Variants in DENND2B observed in about 807,000 individuals in gnomAD.
The protein encoded by DENND2B is DENN domain containing 2B, also known as DENN domain-containing protein 2B.
A neutral mutation model predicts 116.0 loss-of-function variants in DENND2B; 32 were observed. The observed-to-expected ratio is 0.28, with a 90% CI of 0.21 to 0.37. The LOEUF (loss-of-function observed/expected upper bound fraction) is 0.37, where lower values mean the gene tolerates loss of function less well. DENND2B is among the 10% of genes least tolerant of loss of function. The pLI is 1.00. For missense variants in DENND2B, 1,276 were observed against 1,477.7 expected, an observed-to-expected ratio of 0.86 and a Z score of 2.24; for synonymous variants, 588 against 583.9, an observed-to-expected ratio of 1.01 and a Z score of -0.10.
chr11:8,826,282 G>C (rs757110362), intron 4 of DENND2B, among the ~76,000 whole-genome samples: 3 of 152,082 alleles, frequency 2.0e-5, no homozygotes, highest in Non-Finnish European at 4.4e-5. Flanking sequence ...GAGCAGCTCA[G>C]GAATCCAAAC....
At chr11:8,850,329 T>C (rs2062962110) in intron 3 of DENND2B, among the ~76,000 whole-genome samples, 1 of 151,980 alleles carries the variant, frequency 6.6e-6, no homozygotes. Context: ...ATACCCAAAA[T>C]ATATAAGGAA....
intron 1 of DENND2B, among the ~76,000 whole-genome samples, chr11:8,891,487 A>C (rs1275024149): frequency 6.6e-6 from 1 of 152,242 alleles, no homozygotes; most frequent in East Asian, 1.9e-4. Context: ...TGCTGTATTC[A>C]GGAGACCCAT....
chr11:8,807,575 TGAGA>T (rs1292648014), intron 1 of DENND2B, among the ~76,000 whole-genome samples: 2 of 151,916 alleles, frequency 1.3e-5, no homozygotes, highest in Non-Finnish European at 2.9e-5. Flanking sequence ...ATATCTAATT[TGAGA>T]GAGAGAGAGC....
chr11:8,876,533 T>C (rs1442756820), intron 2 of DENND2B, among the ~76,000 whole-genome samples: 1 of 152,114 alleles, frequency 6.6e-6, no homozygotes, highest in African/African-American at 2.4e-5. Context: ...ATTTATTTGA[T>C]TTTATCCTGC....
chr11:8,906,594 T>A (rs1182135500), intron 1 of DENND2B, among the ~76,000 whole-genome samples: 1 of 152,142 alleles, frequency 6.6e-6, no homozygotes, highest in Non-Finnish European at 1.5e-5. Context: ...ATCTCTGACT[T>A]TTAAAAATGA....
Position 8,712,261 on chromosome 11 carries a change from A to C in DENND2B, c.2172+290T>G, listed in dbSNP as rs1047268067. Among the ~76,000 whole-genome samples the C allele has an allele frequency of 6.6e-6, 1 of 152,238 alleles. No individual in the cohort carries two copies. The highest frequency in any genetic ancestry group is 1.5e-5 in the Non-Finnish European group (1 of 68,042). On this transcript the variant is annotated intron_variant, in intron 9 of 19. Transcript: ENST00000313726. The surrounding 1 kb of genome is among the most constrained non-coding windows in gnomAD (Gnocchi z 4.4). ...TTCTGTGAATACACCCAAACACTGA[A>C]CTGTATACATTAAGTGGGTGAACTG...
chr11:8,771,556 A>AGT (rs2056878380), intron 1 of DENND2B: 1 of 150,486 alleles, frequency 6.6e-6, no homozygotes, highest in African/African-American at 2.5e-5. Context: ...AGAGAGAGAG[A>AGT]GAGAGAGAGA....
chr11:8,761,095 T>C (rs375822941), intron 1 of DENND2B, among the ~76,000 whole-genome samples: 3 of 152,350 alleles, frequency 2.0e-5, no homozygotes, highest in South Asian at 2.1e-4. Flanking sequence ...TGCCAGATGG[T>C]CCTTCTCCAC....
At chr11:8,841,026 G>A (rs890569573) in intron 3 of DENND2B, among the ~76,000 whole-genome samples, 4 of 152,104 alleles carry the variant, frequency 2.6e-5, no homozygotes. Context: ...TTCTCTTAAT[G>A]TTGCACTACT....
intron 3 of DENND2B, among the ~76,000 whole-genome samples, chr11:8,853,525 T>G (rs2063085192): frequency 6.6e-6 from 1 of 152,186 alleles, no homozygotes; most frequent in Non-Finnish European, 1.5e-5. Context: ...GCAATACATT[T>G]TTGTTGTTCA....
intron 14 of DENND2B, among the ~76,000 whole-genome samples, chr11:8,701,434 G>C (rs1393147130): frequency 1.4e-5 from 2 of 143,170 alleles, no homozygotes; most frequent in African/African-American, 5.3e-5. Flanking sequence ...GCCTCCTCCA[G>C]CCTTCTTATC....
At position 8,781,855 on chromosome 11, in the gene DENND2B, G is replaced by T. The variant is rs116071716; in HGVS notation, c.-26+28662C>A. 5.4e-3 allele frequency among the ~76,000 whole-genome samples: 825 copies of T among 152,212 alleles called. 11 individuals are homozygous for T. The highest frequency in any genetic ancestry group is 0.019 in the African/African-American group (770 of 41,514). Reference sequence around the variant, plus strand: ...TATTGCTCAATCTCTTTGATAAATTGGGAAAATGCAAATTAAAGTGATGAG... The same window carrying T: ...TATTGCTCAATCTCTTTGATAAATTTGGAAAATGCAAATTAAAGTGATGAG... On this transcript the variant is annotated intron_variant, in intron 1 of 19. Transcript: ENST00000313726.
intron 1 of DENND2B, among the ~76,000 whole-genome samples, chr11:8,751,246 C>G (rs545855701): frequency 1.3e-5 from 2 of 152,230 alleles, no homozygotes; most frequent in East Asian, 1.9e-4. Flanking sequence ...ACTTTTCTGT[C>G]TAGCTCAGGG....
chr11:8,878,937 G>T (rs2063873372), intron 2 of DENND2B, among the ~76,000 whole-genome samples: 3 of 152,158 alleles, frequency 2.0e-5, no homozygotes, highest in Admixed American at 2.0e-4. Flanking sequence ...CTTGAGAGTG[G>T]TGAAAATGTT....
chr11:8,738,920 C>G (rs1002858366), intron 2 of DENND2B, among the ~76,000 whole-genome samples: 1 of 152,142 alleles, frequency 6.6e-6, no homozygotes, highest in Non-Finnish European at 1.5e-5. Context: ...GTAGAGATGG[C>G]CTATGCAGAG....
At position 8,694,143 on chromosome 11, in the gene DENND2B, G is replaced by A. The variant is rs200977713; in HGVS notation, c.3380-13C>T. On this transcript the variant is annotated splice_polypyrimidine_tract_variant and intron_variant, in intron 19 of 19. Transcript: ENST00000313726. The stretch of plus-strand genomic sequence containing the variant: ...TTCATTTTGTTGCCTGTGGGCCAGA[G>A]AGGACAAGAGAGAATGTTCAGTGTT... 15 of 1,614,058 alleles carry A rather than the reference G, an allele frequency of 9.3e-6. No homozygotes were observed. The highest frequency in any genetic ancestry group is 1.6e-4 in the Middle Eastern group (1 of 6,080).
chr11:8,893,727 GTT>G (rs2134747247), intron 1 of DENND2B, among the ~76,000 whole-genome samples: 2 of 98,170 alleles, frequency 2.0e-5, no homozygotes, highest in South Asian at 6.9e-4. Flanking sequence ...ACTACAAACC[GTT>G]GCTCAACGAA....
chr11:8,830,780 C>G (rs184889748), intron 4 of DENND2B: 4 of 152,352 alleles, frequency 2.6e-5, no homozygotes, highest in Non-Finnish European at 5.9e-5. Flanking sequence ...TGAGGCTGAG[C>G]CTGAGCCCAT....
chr11:8,841,938 T>C (rs2062637802), intron 3 of DENND2B, among the ~76,000 whole-genome samples: 1 of 152,086 alleles, frequency 6.6e-6, no homozygotes, highest in Non-Finnish European at 1.5e-5. Context: ...ATACCATGAG[T>C]TCCCCAGTTC....
Sources: gnomAD v4.1 joint callset for allele counts (sites outside exome capture counted in the v4.1 genomes callset) on GRCh38, gnomAD v4.1.1 for gene constraint, Gnocchi (gnomAD v3.1) non-coding constraint, MANE v1.5 for transcripts, NCBI Gene and HGNC (gene_info 2026-07-23, HGNC 2026-07-21) for gene names.